VWC2L: variants seen among roughly 807,000 people sequenced by gnomAD.
VWC2L encodes von Willebrand factor C domain-containing protein 2-like.
VWC2L carries 10 observed loss-of-function variants against 21.6 expected under a neutral mutation model. The ratio of observed to expected loss-of-function variants is 0.46; its 90% confidence interval spans 0.29 to 0.78. VWC2L has a LOEUF of 0.78. Among genes scored for constraint, VWC2L ranks in the 30% least tolerant of loss-of-function variants. The pLI is 0.10. For missense variants in VWC2L, 209 were observed against 277.1 expected (o/e 0.75, Z 1.74); for synonymous variants, 96 against 94.3 (o/e 1.02, Z -0.10).
chr2:214,506,788 A>G (rs1382217579), intron 3 of VWC2L, among the ~76,000 whole-genome samples: 1 of 152,178 alleles, frequency 6.6e-6, no homozygotes, highest in African/African-American at 2.4e-5. Context: ...GCCAATAAAA[A>G]TATTTCTAAA....
intron 3 of VWC2L, among the ~76,000 whole-genome samples, chr2:214,529,844 G>A (rs983613068): frequency 6.6e-6 from 1 of 152,116 alleles, no homozygotes; most frequent in Admixed American, 6.6e-5. Flanking sequence ...ATCTGTTCAA[G>A]TGATTCATGC....
chr2:214,525,412 T>C (rs1437321463), intron 3 of VWC2L: 1 of 152,196 alleles, frequency 6.6e-6, no homozygotes, highest in Non-Finnish European at 1.5e-5. Context: ...AAATTAGGAT[T>C]ACTGTTACCC....
At chr2:214,474,255 A>G (rs1688466135) in intron 3 of VWC2L, among the ~76,000 whole-genome samples, 2 of 152,200 alleles carry the variant, frequency 1.3e-5, no homozygotes, top group African/African-American at 4.8e-5. Context: ...AAAGCTTACC[A>G]AAGTTATCCT....
Position 214,511,945 on chromosome 2 carries a change from C to T in VWC2L, c.521-63727C>T, listed in dbSNP as rs1308241101. Among the ~76,000 whole-genome samples, 4 of 150,390 alleles carry T rather than the reference C, an allele frequency of 2.7e-5. 1 individual carries two copies. The Admixed American group carries it at 2.7e-4, about 10-fold the overall frequency. On this transcript the variant is annotated intron_variant, in intron 3 of 3. Coordinates refer to ENST00000312504, the MANE Select transcript of VWC2L (RefSeq NM_001080500.4). The stretch of plus-strand genomic sequence containing the variant: ...ACACACACACACACACACACACACA[C>T]ACACACACCTGGTCATGATCCCCAA...
intron 3 of VWC2L, among the ~76,000 whole-genome samples, chr2:214,446,383 ATTTC>A (rs1347263799): frequency 6.6e-6 from 1 of 152,134 alleles, no homozygotes; most frequent in African/African-American, 2.4e-5. Context: ...ATAATTTCCT[ATTTC>A]TTTCATAAAG....
intron 3 of VWC2L, among the ~76,000 whole-genome samples, chr2:214,451,123 T>C (rs1297135175): frequency 6.6e-6 from 1 of 151,998 alleles, no homozygotes. Context: ...AAAATGCAAA[T>C]TTCTGAACCC....
intron 3 of VWC2L, among the ~76,000 whole-genome samples, chr2:214,575,275 G>T (rs1411538721): frequency 2.6e-5 from 4 of 152,104 alleles, no homozygotes; most frequent in Non-Finnish European, 5.9e-5. Flanking sequence ...CAGGCCAAGG[G>T]TGCCACCATC....
At chr2:214,492,836 A>C (rs985441655) in intron 3 of VWC2L, among the ~76,000 whole-genome samples, 4 of 152,176 alleles carry the variant, frequency 2.6e-5, no homozygotes, top group African/African-American at 9.7e-5. Context: ...AAAGTGTTAT[A>C]CTTGGACTGG....
intron 3 of VWC2L, among the ~76,000 whole-genome samples, chr2:214,475,877 T>C (rs1018314838): frequency 1.3e-5 from 2 of 152,212 alleles, no homozygotes; most frequent in African/African-American, 4.8e-5. Flanking sequence ...AAATGATCCA[T>C]GCCCAAGGTC....
intron 3 of VWC2L, among the ~76,000 whole-genome samples, chr2:214,563,237 T>C (rs540771423): frequency 1.3e-5 from 2 of 152,206 alleles, no homozygotes; most frequent in African/African-American, 4.8e-5. Flanking sequence ...CTTGTTTTTG[T>C]AAGGTTTGTA....
intron 3 of VWC2L, among the ~76,000 whole-genome samples, chr2:214,548,822 T>C (rs1214224372): frequency 6.6e-6 from 1 of 152,212 alleles, no homozygotes; most frequent in Non-Finnish European, 1.5e-5. Context: ...GAAATTCCAC[T>C]TTACATCTAG....
intron 2 of VWC2L, among the ~76,000 whole-genome samples, chr2:214,435,964 G>C (rs1025981377): frequency 6.6e-6 from 1 of 151,700 alleles, no homozygotes; most frequent in Non-Finnish European, 1.5e-5. Flanking sequence ...TCCATTTTTA[G>C]AGTTTTTGAC....
At chr2:214,534,267 T>G (rs893312446) in intron 3 of VWC2L, 30 of 152,558 alleles carry the variant, frequency 2.0e-4, no homozygotes, top group Non-Finnish European at 3.2e-4. Flanking sequence ...TGCATATTGC[T>G]TAGGCCATCA....
At chr2:214,550,396 T>C (rs141407589) in intron 3 of VWC2L, among the ~76,000 whole-genome samples, 134 of 152,374 alleles carry the variant, frequency 8.8e-4, no homozygotes, top group African/African-American at 3.1e-3. Flanking sequence ...AATATTCATT[T>C]ATTATTTATT....
intron 3 of VWC2L, among the ~76,000 whole-genome samples, chr2:214,574,098 C>T (rs572060481): frequency 5.8e-4 from 89 of 152,222 alleles, no homozygotes; most frequent in Middle Eastern, 3.4e-3. Flanking sequence ...GCCAAGATTG[C>T]GCCACTGCAC....
intron 3 of VWC2L, among the ~76,000 whole-genome samples, chr2:214,487,617 A>G (rs1335802533): frequency 6.6e-6 from 1 of 152,196 alleles, no homozygotes; most frequent in Non-Finnish European, 1.5e-5. Flanking sequence ...TTAAGAATGA[A>G]TAGAAGTAAG....
At chr2:214,551,900 C>CG (rs1197939228) in intron 3 of VWC2L, among the ~76,000 whole-genome samples, 1 of 152,236 alleles carries the variant, frequency 6.6e-6, no homozygotes, top group Non-Finnish European at 1.5e-5. Context: ...CCCCAGCAGA[C>CG]GATGTCTTTC....
intron 2 of VWC2L, among the ~76,000 whole-genome samples, chr2:214,415,706 GA>G (rs1439516990): frequency 6.6e-6 from 1 of 152,112 alleles, no homozygotes; most frequent in Non-Finnish European, 1.5e-5. Context: ...AACCTGGAAT[GA>G]ACCAGGTTAG....
chr2:214,464,876 T>G (rs1703192029), intron 3 of VWC2L, among the ~76,000 whole-genome samples: 1 of 151,926 alleles, frequency 6.6e-6, no homozygotes, highest in South Asian at 2.1e-4. Flanking sequence ...CACTTTTCCC[T>G]CTTCCTTTCT....
Sources: allele counts gnomAD v4.1 joint callset (sites outside exome capture counted in the v4.1 genomes callset), GRCh38; gene constraint gnomAD v4.1.1; transcripts MANE v1.5; gene names NCBI Gene and HGNC (gene_info 2026-07-23, HGNC 2026-07-21).